Variants in CFAP46 observed in about 807,000 individuals in gnomAD.
The protein encoded by CFAP46 is cilia and flagella associated protein 46.
A neutral mutation model predicts 325.7 loss-of-function variants in CFAP46; 245 were observed. That is an observed-to-expected ratio of 0.75 (90% CI 0.68 to 0.84). The LOEUF (loss-of-function observed/expected upper bound fraction) is 0.84, where lower values mean the gene tolerates loss of function less well. Ranked by LOEUF, CFAP46 falls within the 40% of genes least tolerant of loss-of-function variation. The pLI is 0.00. For synonymous variants in CFAP46, 1,523 were observed against 1,495.9 expected, an observed-to-expected ratio of 1.02 and a Z score of -0.42; for missense variants, 3,346 against 3,543.0, an observed-to-expected ratio of 0.94 and a Z score of 1.41.
chr10:132,850,546 G>T, intron 40 of CFAP46, 114 bp from the exon 41 acceptor site: 1 of 1,071,570 alleles, frequency 9.3e-7, no homozygotes. Context: ...ACACTGGGGA[G>T]CTCTGAGAAA....
chr10:132,883,869 G>C (rs926187279), intron 27 of CFAP46, among the ~76,000 whole-genome samples: 1 of 152,186 alleles, frequency 6.6e-6, no homozygotes, highest in Non-Finnish European at 1.5e-5. Flanking sequence ...GGCTTGCTGG[G>C]GCCAATGGAG....
chr10:132,808,611 G>C lies in CFAP46; in HGVS notation c.7958C>G (p.Pro2653Arg). 2 of 1,611,916 alleles carry C rather than the reference G, an allele frequency of 1.2e-6. No homozygotes were observed. Among genetic ancestry groups the C allele is most frequent in the Non-Finnish European group, 1.7e-6 (2 of 1,179,408 alleles). ...GGCGGCTGCCTTGCGGGAAGTCGCT[G>C]GGGGAGGGTCCCTGGCTGAGGCTGC... The part of the protein sequence containing the change: ...LGAASARDPP[P>R]ATSRKAAAWT... Residue 2653 changes from proline (P) to arginine (R), a missense_variant, in exon 58 of 58, where the codon CCA (proline) becomes CGA (arginine). Pro to Arg is a moderately radical substitution (Grantham distance 103, BLOSUM62 -2). Transcript: ENST00000368586. This position sits in a 1 kb window ranked among gnomAD's most constrained non-coding sequence, Gnocchi z 6.8.
At chr10:132,854,040 C>A (rs1436473097) in intron 39 of CFAP46, among the ~76,000 whole-genome samples, 1 of 151,856 alleles carries the variant, frequency 6.6e-6, no homozygotes, top group Non-Finnish European at 1.5e-5. Context: ...AATTTTTATT[C>A]CTCTGCTTAT....
Position 132,924,781 on chromosome 10 carries a change from A to G in CFAP46, c.1171T>C (p.Cys391Arg), listed in dbSNP as rs1174669328. The G allele has an allele frequency of 7.2e-6, 11 of 1,530,732 alleles. No homozygotes were observed. Among genetic ancestry groups the G allele is most frequent in the Non-Finnish European group, 9.7e-6 (11 of 1,138,650 alleles). 94.8% of individuals were successfully genotyped at this position (1,530,732 alleles called of 1,614,324 possible). ...HVVCATQWNT[C>R]LPLLQHNLRH... The stretch of plus-strand genomic sequence containing the variant: ...AGGTTGTGCTGCAGCAGGGGCAGGC[A>G]GGTGTTCCACTGCGTGGCGCACACC... The change falls in exon 11 of 58, where the codon TGC becomes CGC. Residue 391 changes from cysteine to arginine, a missense_variant. Coordinates refer to ENST00000368586, the MANE Select transcript of CFAP46 (RefSeq NM_001200049.3).
chr10:132,899,376 C>T (rs2135478755), intron 23 of CFAP46, among the ~76,000 whole-genome samples, 159 bp downstream of exon 23: 1 of 152,348 alleles, frequency 6.6e-6, no homozygotes, highest in South Asian at 2.1e-4. Flanking sequence ...GCTGCACCTC[C>T]CTGAAGACTG....
intron 19 of CFAP46, among the ~76,000 whole-genome samples, chr10:132,910,462 G>C (rs1425644690): frequency 1.3e-5 from 2 of 152,258 alleles, no homozygotes; most frequent in Non-Finnish European, 2.9e-5. Flanking sequence ...TTTGCCTGCA[G>C]TGACGGGCAT....
At chr10:132,820,220 T>C (rs1331851785) in intron 50 of CFAP46, among the ~76,000 whole-genome samples, 3 of 152,354 alleles carry the variant, frequency 2.0e-5, no homozygotes, top group African/African-American at 7.2e-5. Context: ...TGGATGAACC[T>C]TGAGGACATC....
At chr10:132,880,515 T>C (rs1849023631) in intron 28 of CFAP46, among the ~76,000 whole-genome samples, 1 of 152,178 alleles carries the variant, frequency 6.6e-6, no homozygotes, top group South Asian at 2.1e-4. Context: ...CCCGGCCTCC[T>C]GAGGAAGGCT....
At chr10:132,867,597 G>A (rs761412050) in intron 33 of CFAP46, 90 bp from the exon 34 acceptor site, 1 of 1,452,312 alleles carries the variant, frequency 6.9e-7, no homozygotes, top group Non-Finnish European at 9.2e-7. Context: ...AACGAAAACA[G>A]CCACAATTAC....
chr10:132,885,897 C>T lies in CFAP46; in HGVS notation c.3367G>A (p.Asp1123Asn), dbSNP rs773171970. ...AGGCCGCCCTCCCAGTCGTCCTGGT[C>T]GGCATGGCTGTGGAAGAGCAGGCCG... ...LYGLLFHSHA[D>N]QDDWEGGLKV... Residue 1123 changes from aspartate to asparagine, a missense_variant, in exon 26 of 58, where the codon GAC (aspartate) becomes AAC (asparagine). Transcript: ENST00000368586. 21 of 1,549,972 alleles carry T rather than the reference C, an allele frequency of 1.4e-5. No individual in the cohort carries two copies. Among genetic ancestry groups the T allele is most frequent in the South Asian group, 7.1e-5 (6 of 84,048 alleles).
intron 55 of CFAP46, among the ~76,000 whole-genome samples, chr10:132,812,255 A>G (rs1213118281): frequency 6.6e-6 from 1 of 152,160 alleles, no homozygotes; most frequent in Non-Finnish European, 1.5e-5. Flanking sequence ...CTGCCCTGCC[A>G]TCCCCACCTC....
chr10:132,912,039 C>T (rs1849547453), intron 19 of CFAP46, among the ~76,000 whole-genome samples: 2 of 152,234 alleles, frequency 1.3e-5, no homozygotes, highest in South Asian at 4.2e-4. Flanking sequence ...CAGGAGCCTT[C>T]AGAAGCTCAG....
At chr10:132,901,227 T>A (rs73393271) in intron 22 of CFAP46, among the ~76,000 whole-genome samples, 14,425 of 152,266 alleles carry the variant, frequency 0.095, 1,810 homozygotes, top group African/African-American at 0.29. Flanking sequence ...TGCTCCTATG[T>A]TCTGTGAGAT....
chr10:132,823,664 C>T (rs1450313225), intron 50 of CFAP46, among the ~76,000 whole-genome samples: 17 of 67,594 alleles, frequency 2.5e-4, no homozygotes, highest in South Asian at 6.2e-4. Flanking sequence ...GTGCTGTGTG[C>T]GCTGATGTGT....
At chr10:132,913,907 C>T (rs981926441) in intron 17 of CFAP46, among the ~76,000 whole-genome samples, 8 of 152,016 alleles carry the variant, frequency 5.3e-5, no homozygotes, top group African/African-American at 1.4e-4. Flanking sequence ...GCAGCCCCCT[C>T]GTTCCAGTTT....
intron 19 of CFAP46, 143 bp downstream of exon 19, chr10:132,912,509 TCTC>T (rs1849563091): frequency 3.1e-6 from 2 of 640,954 alleles, no homozygotes; most frequent in Non-Finnish European, 2.4e-6. Context: ...CTCTCTCTCC[TCTC>T]CTCTCTCTCT....
intron 8 of CFAP46, among the ~76,000 whole-genome samples, chr10:132,930,042 G>A (rs890593210): frequency 1.3e-5 from 2 of 152,104 alleles, no homozygotes. Flanking sequence ...GGCTGCCCAG[G>A]GCCACGTCCC....
intron 25 of CFAP46, 38 bp from the exon 26 acceptor site, chr10:132,885,997 G>A (rs780640952): frequency 2.6e-6 from 4 of 1,543,190 alleles, no homozygotes; most frequent in South Asian, 1.2e-5. Context: ...GGAGCCGCCT[G>A]ATCCCTCATC....
chr10:132,837,374 G>GAC (rs1273442569), intron 44 of CFAP46, among the ~76,000 whole-genome samples: 1 of 152,056 alleles, frequency 6.6e-6, no homozygotes, highest in African/African-American at 2.4e-5. Flanking sequence ...GACAGGCACG[G>GAC]ACACACACAG....
Sources: gnomAD v4.1 joint callset for allele counts (sites outside exome capture counted in the v4.1 genomes callset) on GRCh38, gnomAD v4.1.1 for gene constraint, Gnocchi (gnomAD v3.1) non-coding constraint, MANE v1.5 for transcripts, NCBI Gene and HGNC (gene_info 2026-07-23, HGNC 2026-07-21) for gene names.